CMTM4: variants seen among roughly 807,000 people sequenced by gnomAD.
CMTM4 encodes CKLF-like MARVEL transmembrane domain-containing protein 4.
A neutral mutation model predicts 19.0 loss-of-function variants in CMTM4; 8 were observed. The ratio of observed to expected loss-of-function variants is 0.42; its 90% CI spans 0.25 to 0.76. The LOEUF (loss-of-function observed/expected upper bound fraction) is 0.76. Among genes scored for constraint, CMTM4 ranks in the 30% least tolerant of loss-of-function variants. The probability of loss-of-function intolerance (pLI) is 0.27; values close to 1 mark genes in which losing one functional copy is unlikely to be tolerated. For synonymous variants in CMTM4, 106 were observed against 121.1 expected (o/e 0.88, Z 0.82); for missense variants, 228 against 290.2 (o/e 0.79, Z 1.56).
the CMTM4 span, chr16:66,609,618 C>T: frequency 1.3e-6 from 2 of 1,514,522 alleles, no homozygotes; most frequent in Non-Finnish European, 1.8e-6. This position sits in a 1 kb window ranked among gnomAD's most constrained non-coding sequence, Gnocchi z 4.4. Flanking sequence ...CCTTTCCCTG[C>T]TGGGGCCCCC....
At chr16:66,662,023 C>T (rs1198176264) in intron 1 of CMTM4, among the ~76,000 whole-genome samples, 1 of 152,142 alleles carries the variant, frequency 6.6e-6, no homozygotes, top group African/African-American at 2.4e-5. Context: ...CGTGATTCAT[C>T]TCTACACAAG....
chr16:66,637,814 G>A (rs897203716), intron 1 of CMTM4, among the ~76,000 whole-genome samples: 2 of 152,170 alleles, frequency 1.3e-5, no homozygotes, highest in African/African-American at 4.8e-5. Flanking sequence ...CTGCTTCCAG[G>A]CTGGCCTCCA....
intron 1 of CMTM4, among the ~76,000 whole-genome samples, chr16:66,637,196 GA>G (rs1490085517): frequency 6.6e-6 from 1 of 152,170 alleles, no homozygotes; most frequent in African/African-American, 2.4e-5. Context: ...TTTTGAACTT[GA>G]TCACAACAAG....
At chr16:66,695,822 A>C (rs1199622647) in intron 1 of CMTM4, among the ~76,000 whole-genome samples, 1 of 152,182 alleles carries the variant, frequency 6.6e-6, no homozygotes, top group Non-Finnish European at 1.5e-5. Flanking sequence ...CCTCCACTGC[A>C]TCAGGGCTAC....
chr16:66,604,996 G>A, the CMTM4 span: 2 of 1,414,764 alleles, frequency 1.4e-6, no homozygotes, highest in Non-Finnish European at 9.2e-7. Flanking sequence ...GGACTGCGCG[G>A]CTCCTTTCGG....
intron 1 of CMTM4, among the ~76,000 whole-genome samples, chr16:66,682,453 T>C (rs1043624822): frequency 1.3e-5 from 2 of 152,070 alleles, no homozygotes; most frequent in African/African-American, 4.8e-5. Flanking sequence ...CTGGAATAAA[T>C]GGGAAACCAC....
At chr16:66,642,245 A>C (rs573843638) in intron 1 of CMTM4, among the ~76,000 whole-genome samples, 2 of 152,364 alleles carry the variant, frequency 1.3e-5, no homozygotes, top group East Asian at 3.9e-4. Context: ...AGTTCAACTT[A>C]TAACAACCTT....
intron 1 of CMTM4, among the ~76,000 whole-genome samples, chr16:66,657,937 ATTG>A (rs2016427809): frequency 6.6e-6 from 1 of 152,214 alleles, no homozygotes; most frequent in South Asian, 2.1e-4. Context: ...TTAGAAAATC[ATTG>A]GCCAGGCTCC....
chr16:66,613,627 T>G (rs2015466596), downstream of CMTM4: 1 of 153,802 alleles, frequency 6.5e-6, no homozygotes, highest in East Asian at 1.9e-4. Flanking sequence ...TTTCTGTGAC[T>G]CTAGGCCTCA....
Position 66,621,636 on chromosome 16 carries a change from G to A in CMTM4, c.*422C>T. 2 of 1,004,838 alleles carry A rather than the reference G, an allele frequency of 2.0e-6. No homozygotes were observed. The highest frequency in any genetic ancestry group is 8.7e-5 in the South Asian group (2 of 23,108). The allele number at this position is 1,004,838 out of a possible 1,614,324, so 62.2% of individuals were successfully genotyped here. On this transcript the variant is annotated 3_prime_UTR_variant, in exon 4 of 4. Transcript: ENST00000394106. The stretch of plus-strand genomic sequence containing the variant: ...CACGCAGACTCAACACTGACTTGGA[G>A]CAGGTGGTGCCTAAGGCTGCCTGAG...
rs149153849 is a variant in CMTM4 at position 66,648,230 on chromosome 16, A to T, written c.187-11649T>A. Among the ~76,000 whole-genome samples the T allele has an allele frequency of 7.6e-3, 1,158 of 152,338 alleles. 7 individuals are homozygous for T. Among genetic ancestry groups the T allele is most frequent in the Non-Finnish European group, 0.011 (722 of 68,026 alleles). ...GCAAGCTCTGAAATGTAGCTGCTCT[A>T]CCAGCAGTGAGGACACATGGGCTAG... On this transcript the variant is annotated intron_variant, in intron 1 of 3. Transcript: ENST00000394106.
At chr16:66,634,447 CA>C (rs11318916) in intron 2 of CMTM4, among the ~76,000 whole-genome samples, 36,091 of 141,594 alleles carry the variant, frequency 0.25, 6,778 homozygotes, top group African/African-American at 0.54. Context: ...CTCAAAAAAA[CA>C]AAAAAAAAAA....
At chr16:66,683,503 G>C (rs917857249) in intron 1 of CMTM4, among the ~76,000 whole-genome samples, 20 of 151,162 alleles carry the variant, frequency 1.3e-4, no homozygotes, top group Non-Finnish European at 1.3e-4. Flanking sequence ...ATGTTAGCCA[G>C]GATGGTCTCG....
At chr16:66,667,115 G>A (rs1482308953) in intron 1 of CMTM4, among the ~76,000 whole-genome samples, 1 of 151,924 alleles carries the variant, frequency 6.6e-6, no homozygotes, top group Non-Finnish European at 1.5e-5. Context: ...ACCTGAGGTC[G>A]GGAGGTCGAG....
At chr16:66,612,538 TC>T, downstream of CMTM4, 1 of 1,531,494 alleles carries the variant, frequency 6.5e-7, no homozygotes, top group Non-Finnish European at 9.0e-7. The surrounding 1 kb of genome is among the most constrained non-coding windows in gnomAD (Gnocchi z 6.0). Flanking sequence ...CAGCTGTGCT[TC>T]CCCAGAGACC....
In CMTM4 at chr16:66,615,980, T is replaced by C. The variant is rs1286499020; in HGVS notation, c.*6078A>G. ...ACTATTTAAATAAGCAGGAACAAGA[T>C]GCAGGAGAAGCAGCAGCAGAGAGGA... On this transcript the variant is annotated 3_prime_UTR_variant, in exon 4 of 4. Coordinates refer to ENST00000394106, the MANE Select transcript of CMTM4 (RefSeq NM_181521.3). This position sits in a 1 kb window ranked among gnomAD's most constrained non-coding sequence, Gnocchi z 4.9. 1 of 152,212 alleles carries C rather than the reference T, an allele frequency of 6.6e-6. No homozygotes were observed. The highest frequency in any genetic ancestry group is 2.4e-5 in the African/African-American group (1 of 41,438). 9.4% of individuals were successfully genotyped at this position (152,212 alleles called of 1,614,324 possible).
intron 1 of CMTM4, among the ~76,000 whole-genome samples, chr16:66,642,671 G>A (rs752950277): frequency 1.3e-5 from 2 of 152,114 alleles, no homozygotes; most frequent in Non-Finnish European, 2.9e-5. Flanking sequence ...AGCCGAGATC[G>A]CGCCACTGCA....
chr16:66,639,896 T>C (rs950613921), intron 1 of CMTM4, among the ~76,000 whole-genome samples: 1 of 152,136 alleles, frequency 6.6e-6, no homozygotes, highest in African/African-American at 2.4e-5. Context: ...TGCACACCTG[T>C]AATCCCAGCT....
At chr16:66,604,945 C>T in the CMTM4 span, 2 of 1,504,408 alleles carry the variant, frequency 1.3e-6, no homozygotes, top group Non-Finnish European at 1.8e-6. Flanking sequence ...CTCCTGCTGG[C>T]CGAGTCGGTG....
Sources: gnomAD v4.1 joint callset for allele counts (sites outside exome capture counted in the v4.1 genomes callset) on GRCh38, gnomAD v4.1.1 for gene constraint, Gnocchi (gnomAD v3.1) non-coding constraint, MANE v1.5 for transcripts, NCBI Gene and HGNC (gene_info 2026-07-23, HGNC 2026-07-21) for gene names.